The following SEMA6D variants were observed in gnomAD, a reference collection of about 807,000 sequenced individuals.
SEMA6D encodes semaphorin-6D.
SEMA6D carries 35 observed loss-of-function variants against 106.6 expected under a neutral mutation model. The ratio of observed to expected loss-of-function variants is 0.33; its 90% CI spans 0.25 to 0.44. SEMA6D has a LOEUF of 0.44. Ranked by LOEUF, SEMA6D falls within the 20% of genes least tolerant of loss-of-function variation. The pLI is 1.00. For missense variants in SEMA6D, 1,185 were observed against 1,345.9 expected (o/e 0.88, Z 1.87); for synonymous variants, 499 against 487.7 (o/e 1.02, Z -0.31).
intron 1 of SEMA6D, among the ~76,000 whole-genome samples, chr15:47,404,902 T>TA (rs571077255): frequency 5.0e-4 from 76 of 152,232 alleles, no homozygotes; most frequent in African/African-American, 1.8e-3. Context: ...CATGCTAAAA[T>TA]ATGTAGCATA....
At chr15:47,284,322 A>C (rs1016997294) in intron 1 of SEMA6D, among the ~76,000 whole-genome samples, 2 of 152,252 alleles carry the variant, frequency 1.3e-5, no homozygotes, top group African/African-American at 4.8e-5. Context: ...AAAGTCACAA[A>C]GTGTAATAGA....
At chr15:47,250,789 G>A (rs2033473712) in intron 1 of SEMA6D, among the ~76,000 whole-genome samples, 1 of 152,204 alleles carries the variant, frequency 6.6e-6, no homozygotes, top group African/African-American at 2.4e-5. Context: ...GCTCTCTTCT[G>A]TCACATGCCA....
intron 1 of SEMA6D, among the ~76,000 whole-genome samples, chr15:47,316,575 G>A (rs2036690055): frequency 6.7e-6 from 1 of 150,006 alleles, no homozygotes; most frequent in Non-Finnish European, 1.5e-5. Context: ...TTATCAAGTT[G>A]AGGAAGTTCT....
At chr15:47,730,506 A>T in intron 1 of SEMA6D, 3 of 1,290,968 alleles carry the variant, frequency 2.3e-6, no homozygotes, top group East Asian at 4.7e-5. Context: ...TTGTCCACCA[A>T]GGTGGTGACG....
intron 3 of SEMA6D, among the ~76,000 whole-genome samples, chr15:47,571,366 C>A (rs1013420545): frequency 6.6e-6 from 1 of 152,220 alleles, no homozygotes; most frequent in Non-Finnish European, 1.5e-5. Context: ...ATTCAAGTGG[C>A]TGCCATGGCC....
chr15:47,208,528 C>T (rs1485648046), intron 1 of SEMA6D, among the ~76,000 whole-genome samples: 1 of 152,090 alleles, frequency 6.6e-6, no homozygotes, highest in Non-Finnish European at 1.5e-5. Context: ...AGCCACTACC[C>T]TCATCATTAC....
intron 3 of SEMA6D, among the ~76,000 whole-genome samples, chr15:47,548,625 T>A (rs2045593336): frequency 6.6e-6 from 1 of 152,132 alleles, no homozygotes; most frequent in African/African-American, 2.4e-5. Flanking sequence ...AAAAAAAGGT[T>A]GCAGAATGAG....
At chr15:47,612,186 C>G (rs1376322865) in intron 4 of SEMA6D, among the ~76,000 whole-genome samples, 1 of 151,994 alleles carries the variant, frequency 6.6e-6, no homozygotes, top group African/African-American at 2.4e-5. Context: ...TTTATGCTGC[C>G]CCTGAGGCCA....
intron 4 of SEMA6D, among the ~76,000 whole-genome samples, chr15:47,622,930 TAAA>T (rs913491725): frequency 1.1e-4 from 17 of 152,032 alleles, no homozygotes; most frequent in African/African-American, 4.1e-4. Flanking sequence ...CCTCAGAAGT[TAAA>T]AAAACACAAG....
rs2082068284 is a variant in SEMA6D, at chr15:47,761,658, T to C, written c.448-3T>C. 6.2e-7 allele frequency: 1 copy of C among 1,607,144 alleles called. No individual in the cohort carries two copies. The highest frequency in any genetic ancestry group is 1.7e-5 in the Admixed American group (1 of 58,852). ...ACACTGGCTATTTACTTTTCTTTTG[T>C]AGTTGAGTACCTTAGAATATGATGG... is the stretch of plus-strand genomic sequence containing the variant. On this transcript the variant is annotated splice_polypyrimidine_tract_variant and splice_region_variant and intron_variant, in intron 6 of 18. Coordinates refer to ENST00000536845, the MANE Select transcript of SEMA6D (RefSeq NM_001358351.3).
At chr15:47,760,957 T>G in intron 3 of SEMA6D, 21 bp from the exon 4 acceptor site, 1 of 1,604,518 alleles carries the variant, frequency 6.2e-7, no homozygotes, top group Non-Finnish European at 8.5e-7. Context: ...GTGATATGTT[T>G]TATTGCCTTA....
intron 2 of SEMA6D, among the ~76,000 whole-genome samples, chr15:47,466,442 A>G (rs2042662169): frequency 6.6e-6 from 1 of 152,170 alleles, no homozygotes; most frequent in African/African-American, 2.4e-5. Context: ...TTCACTTAGC[A>G]TAATGTCCTC....
At chr15:47,518,648 A>T (rs141767568) in intron 3 of SEMA6D, among the ~76,000 whole-genome samples, 4 of 152,340 alleles carry the variant, frequency 2.6e-5, no homozygotes, top group African/African-American at 9.6e-5. Flanking sequence ...GATCTAATGG[A>T]TAAAAAATGA....
intron 1 of SEMA6D, among the ~76,000 whole-genome samples, chr15:47,231,359 G>C (rs1478336680): frequency 6.6e-6 from 1 of 151,782 alleles, no homozygotes; most frequent in Non-Finnish European, 1.5e-5. Flanking sequence ...TGATTCTTTA[G>C]CTTCTAGACA....
chr15:47,364,190 A>G (rs1238488438), intron 1 of SEMA6D, among the ~76,000 whole-genome samples: 1 of 152,212 alleles, frequency 6.6e-6, no homozygotes, highest in African/African-American at 2.4e-5. Flanking sequence ...TAATCCTAGC[A>G]TCACTCAGTT....
At chr15:47,433,889 G>A (rs1490928890) in intron 2 of SEMA6D, among the ~76,000 whole-genome samples, 1 of 152,116 alleles carries the variant, frequency 6.6e-6, no homozygotes, top group Non-Finnish European at 1.5e-5. Context: ...AGTAATAGAA[G>A]CATCATCTTC....
intron 1 of SEMA6D, 102 bp downstream of exon 1, chr15:47,717,794 T>TGA: frequency 7.5e-6 from 1 of 132,962 alleles, no homozygotes; most frequent in African/African-American, 3.7e-5. Context: ...TGTGTGTGTG[T>TGA]GCGCGCGGTG....
At chr15:47,692,726 C>A (rs2078616080) in intron 4 of SEMA6D, among the ~76,000 whole-genome samples, 1 of 152,132 alleles carries the variant, frequency 6.6e-6, no homozygotes. Context: ...ATGGGCTTAT[C>A]ACAAATCACA....
intron 4 of SEMA6D, among the ~76,000 whole-genome samples, chr15:47,639,003 G>A (rs557451172): frequency 2.1e-3 from 326 of 152,250 alleles, no homozygotes; most frequent in African/African-American, 7.6e-3. Flanking sequence ...TCTCACATCC[G>A]TGCACTATGT....
Sources: allele counts gnomAD v4.1 joint callset (sites outside exome capture counted in the v4.1 genomes callset), GRCh38; gene constraint gnomAD v4.1.1; transcripts MANE v1.5; gene names NCBI Gene and HGNC (gene_info 2026-07-23, HGNC 2026-07-21).